SOX6: variants seen among roughly 807,000 people sequenced by gnomAD.
SOX6 encodes transcription factor SOX-6.
Under a neutral mutation model 97.8 loss-of-function variants are expected in SOX6, and 11 were observed. That is an observed-to-expected ratio of 0.11 (90% CI 0.07 to 0.19). SOX6 has a LOEUF of 0.19. Among genes scored for constraint, SOX6 ranks in the 10% least tolerant of loss-of-function variants. The pLI, the probability that SOX6 is intolerant of heterozygous loss-of-function variation, is 1.00. For missense variants in SOX6, 810 were observed against 1,039.5 expected (o/e 0.78, Z 3.04); for synonymous variants, 360 against 371.4 (o/e 0.97, Z 0.35).
chr11:16,002,957 T>C (rs190573950), intron 13 of SOX6, among the ~76,000 whole-genome samples: 3 of 152,312 alleles, frequency 2.0e-5, no homozygotes, highest in African/African-American at 2.4e-5. Flanking sequence ...TGGACTATTA[T>C]AAAAACTAGC....
chr11:16,433,309 AC>A (rs1859305618), intron 1 of SOX6, among the ~76,000 whole-genome samples: 1 of 152,064 alleles, frequency 6.6e-6, no homozygotes, highest in Non-Finnish European at 1.5e-5. Context: ...ATTTTTAAAG[AC>A]AGAGTGAACA....
chr11:16,322,537 C>T (rs985828116), intron 2 of SOX6, among the ~76,000 whole-genome samples: 13 of 152,094 alleles, frequency 8.5e-5, no homozygotes, highest in South Asian at 4.1e-4. Context: ...TGGTCTAAAC[C>T]AATGTCCAAT....
At chr11:16,466,748 G>A (rs61881804) in intron 1 of SOX6, among the ~76,000 whole-genome samples, 4 of 150,470 alleles carry the variant, frequency 2.7e-5, no homozygotes, top group African/African-American at 7.3e-5. Flanking sequence ...GGCTAAAACG[G>A]TGAAACCCCG....
chr11:16,095,967 C>A (rs1848784364), intron 9 of SOX6, 29 bp downstream of exon 9: 2 of 1,606,458 alleles, frequency 1.2e-6, no homozygotes, highest in East Asian at 2.2e-5. Flanking sequence ...GTCCCCAACC[C>A]AATGAAGCAT....
At chr11:16,245,934 T>C (rs1853322262) in intron 3 of SOX6, among the ~76,000 whole-genome samples, 1 of 151,508 alleles carries the variant, frequency 6.6e-6, no homozygotes, top group African/African-American at 2.4e-5. Context: ...AGATTTAATG[T>C]AATAACTGTT....
chr11:16,071,138 C>A (rs1415809519), intron 9 of SOX6, among the ~76,000 whole-genome samples: 6 of 152,162 alleles, frequency 3.9e-5, no homozygotes, highest in Non-Finnish European at 2.9e-5. Flanking sequence ...GACAGCAGGG[C>A]AGGCAACTTT....
chr11:16,568,633 T>C (rs981222315), intron 4 of SOX6, among the ~76,000 whole-genome samples: 2 of 152,210 alleles, frequency 1.3e-5, no homozygotes, highest in African/African-American at 2.4e-5. Context: ...TAAGAACATA[T>C]TGACCTGACC....
At chr11:16,665,596 C>A (rs138423447) in intron 3 of SOX6, among the ~76,000 whole-genome samples, 46 of 152,274 alleles carry the variant, frequency 3.0e-4, no homozygotes, top group African/African-American at 9.1e-4. Context: ...TCTAGACCTG[C>A]CCAGGACTGG....
intron 3 of SOX6, among the ~76,000 whole-genome samples, chr11:16,674,016 C>T (rs1055004867): frequency 1.5e-4 from 22 of 151,696 alleles, no homozygotes; most frequent in African/African-American, 4.8e-4. Flanking sequence ...GGTGAAACCC[C>T]GTCTCTACTA....
rs5789946 is a variant in SOX6, at chr11:16,259,945, A to ATG, written c.446-25276_446-25275dup. On this transcript the variant is annotated intron_variant, in intron 3 of 15. Transcript: ENST00000683767. ...CATGTTATACTTCAATGTCCCAAAT[A>ATG]TGTGTGTGTGTGTGTGTGTGTGTGT... is the stretch of plus-strand genomic sequence containing the variant. Among the ~76,000 whole-genome samples, 441 of 149,138 alleles carry ATG rather than the reference A, an allele frequency of 3.0e-3. 4 individuals are homozygous for ATG. The highest frequency in any genetic ancestry group is 8.9e-3 in the African/African-American group (359 of 40,178).
chr11:16,508,502 T>TA (rs1042382424), intron 4 of SOX6, among the ~76,000 whole-genome samples: 5 of 151,724 alleles, frequency 3.3e-5, no homozygotes, highest in Non-Finnish European at 5.9e-5. Context: ...TATTTGGCCA[T>TA]AAAAAAAATA....
At chr11:16,558,260 T>C (rs191432598) in intron 4 of SOX6, among the ~76,000 whole-genome samples, 1 of 152,100 alleles carries the variant, frequency 6.6e-6, no homozygotes, top group Non-Finnish European at 1.5e-5. Flanking sequence ...TCCAACTCCC[T>C]GCCTTCATAA....
At chr11:16,292,054 A>G (rs1253817415) in intron 3 of SOX6, among the ~76,000 whole-genome samples, 1 of 152,150 alleles carries the variant, frequency 6.6e-6, no homozygotes, top group Non-Finnish European at 1.5e-5. Context: ...AAAGTGAGAA[A>G]TCTATACTAC....
At chr11:16,693,592 G>T (rs966792452) in intron 3 of SOX6, among the ~76,000 whole-genome samples, 3 of 151,826 alleles carry the variant, frequency 2.0e-5, no homozygotes, top group Non-Finnish European at 4.4e-5. Context: ...TAATCCCATC[G>T]CTTTTTATAT....
At chr11:16,107,691 G>T in intron 7 of SOX6, among the ~76,000 whole-genome samples, 1 of 151,936 alleles carries the variant, frequency 6.6e-6, no homozygotes, top group African/African-American at 2.4e-5. Context: ...TGGGTATGAT[G>T]AAAAAGTTTT....
intron 3 of SOX6, among the ~76,000 whole-genome samples, chr11:16,673,964 C>T (rs933974724): frequency 3.3e-5 from 5 of 152,018 alleles, no homozygotes; most frequent in Admixed American, 1.3e-4. Flanking sequence ...CCGAGGCAGG[C>T]GGATCACAAG....
intron 9 of SOX6, among the ~76,000 whole-genome samples, chr11:16,066,966 T>G (rs1848108303): frequency 6.6e-6 from 1 of 152,218 alleles, no homozygotes; most frequent in African/African-American, 2.4e-5. Flanking sequence ...CTGCTGGATT[T>G]CAGACTTGCA....
intron 1 of SOX6, among the ~76,000 whole-genome samples, chr11:16,465,520 T>C (rs964693351): frequency 6.6e-6 from 1 of 152,182 alleles, no homozygotes; most frequent in Non-Finnish European, 1.5e-5. Flanking sequence ...CTAGTGGCTG[T>C]AATTAAAACT....
chr11:16,636,570 T>A (rs891096333), intron 3 of SOX6, among the ~76,000 whole-genome samples: 33 of 152,158 alleles, frequency 2.2e-4, no homozygotes, highest in South Asian at 6.2e-4. Context: ...TGGGAAGGCA[T>A]GATTGTATTT....
Sources: allele counts gnomAD v4.1 joint callset (sites outside exome capture counted in the v4.1 genomes callset), GRCh38; gene constraint gnomAD v4.1.1; transcripts MANE v1.5; gene names NCBI Gene and HGNC (gene_info 2026-07-23, HGNC 2026-07-21).